The following NLGN1 variants were observed in gnomAD, a reference collection of about 807,000 sequenced individuals.
The protein encoded by NLGN1 is neuroligin 1.
In NLGN1, 12 loss-of-function variants were observed where a neutral mutation model predicts 65.5. The ratio of observed to expected loss-of-function variants is 0.18; its 90% confidence interval spans 0.12 to 0.30. The LOEUF (loss-of-function observed/expected upper bound fraction) is 0.30, where lower values mean the gene tolerates loss of function less well. Among genes scored for constraint, NLGN1 ranks in the 10% least tolerant of loss-of-function variants. The probability of loss-of-function intolerance (pLI) is 1.00; values close to 1 mark genes in which losing one functional copy is unlikely to be tolerated. For missense variants in NLGN1, 750 were observed against 1,007.1 expected (o/e 0.74, Z 3.46); for synonymous variants, 350 against 359.5 (o/e 0.97, Z 0.30).
intron 4 of NLGN1, among the ~76,000 whole-genome samples, chr3:173,982,722 G>T (rs760682002): frequency 1.3e-5 from 2 of 152,088 alleles, no homozygotes; most frequent in Non-Finnish European, 2.9e-5. Context: ...CCTTTCTGTG[G>T]CTGCTGCTGT....
At chr3:174,137,543 G>A (rs987639801) in intron 4 of NLGN1, among the ~76,000 whole-genome samples, 1 of 152,072 alleles carries the variant, frequency 6.6e-6, no homozygotes, top group Non-Finnish European at 1.5e-5. Flanking sequence ...TTGCTGGATT[G>A]TTGGAAATCT....
chr3:173,761,242 A>G lies in NLGN1; in HGVS notation c.494-46438A>G, dbSNP rs890777702. 4.6e-5 allele frequency among the ~76,000 whole-genome samples: 7 copies of G among 152,182 alleles called. 2 individuals carry two copies. Among genetic ancestry groups the G allele is most frequent in the Middle Eastern group, 3.4e-3 (1 of 294 alleles). Reference sequence around the variant, plus strand: ...CTGAGATGCAGTTCTTGTGTCAGAAACAACCTAATTTGCTTGTTCTAGTAG... The same window carrying G: ...CTGAGATGCAGTTCTTGTGTCAGAAGCAACCTAATTTGCTTGTTCTAGTAG... On this transcript the variant is annotated intron_variant, in intron 3 of 6. Transcript: ENST00000457714.
At chr3:173,968,218 A>G (rs186352005) in intron 4 of NLGN1, among the ~76,000 whole-genome samples, 297 of 152,324 alleles carry the variant, frequency 1.9e-3, no homozygotes, top group Non-Finnish European at 3.4e-3. Context: ...TCTCAAGTCC[A>G]TAACACCTGA....
intron 4 of NLGN1, among the ~76,000 whole-genome samples, chr3:174,091,042 T>G (rs1210793799): frequency 6.6e-6 from 1 of 152,196 alleles, no homozygotes; most frequent in Admixed American, 6.5e-5. Context: ...AGTACAGTGC[T>G]GCAGCCAGGA....
chr3:173,414,419 A>G (rs907102196), intron 1 of NLGN1, among the ~76,000 whole-genome samples: 4 of 152,118 alleles, frequency 2.6e-5, no homozygotes, highest in Admixed American at 2.0e-4. Flanking sequence ...GACGCTAGGA[A>G]ACCAATGGAC....
intron 4 of NLGN1, among the ~76,000 whole-genome samples, chr3:174,134,146 A>G (rs1720767102): frequency 6.6e-6 from 1 of 152,222 alleles, no homozygotes; most frequent in Non-Finnish European, 1.5e-5. Context: ...TTGCGATTAA[A>G]GGACAGAAAT....
chr3:174,281,474 A>G, exon 7 of NLGN1: 2 of 511,446 alleles, frequency 3.9e-6, no homozygotes, highest in South Asian at 3.9e-5. Context: ...ATATATACAA[A>G]TCAACTTTAA....
At chr3:174,278,817 A>C in intron 5 of NLGN1, 44 bp from the exon 6 acceptor site, 18 of 1,409,676 alleles carry the variant, frequency 1.3e-5, no homozygotes, top group Non-Finnish European at 1.5e-5. Flanking sequence ...TTACCACAAC[A>C]TTACCCAAAG....
intron 4 of NLGN1, among the ~76,000 whole-genome samples, chr3:173,958,484 G>C (rs1329610319): frequency 6.6e-6 from 1 of 151,724 alleles, no homozygotes; most frequent in East Asian, 2.0e-4. Flanking sequence ...TCTCAGCAGG[G>C]AGGAGACCCT....
At chr3:173,505,978 G>A (rs1299340215) in intron 2 of NLGN1, among the ~76,000 whole-genome samples, 1 of 152,100 alleles carries the variant, frequency 6.6e-6, no homozygotes, top group East Asian at 1.9e-4. Context: ...AATTTCAAGA[G>A]CTAATACCAC....
chr3:173,644,936 T>C (rs891043407), intron 3 of NLGN1, among the ~76,000 whole-genome samples: 13 of 152,226 alleles, frequency 8.5e-5, no homozygotes, highest in Middle Eastern at 3.4e-3. Flanking sequence ...CAGAGGAACA[T>C]AGGGAAGGAT....
intron 2 of NLGN1, among the ~76,000 whole-genome samples, chr3:173,446,017 T>C (rs534333856): frequency 1.3e-5 from 2 of 152,156 alleles, no homozygotes; most frequent in Non-Finnish European, 2.9e-5. Flanking sequence ...AGCTATCAGA[T>C]GCAAATTCCA....
intron 4 of NLGN1, among the ~76,000 whole-genome samples, chr3:173,999,154 T>C (rs1722816130): frequency 6.6e-6 from 1 of 152,176 alleles, no homozygotes; most frequent in Non-Finnish European, 1.5e-5. Flanking sequence ...TCTTTGTTAC[T>C]TGACAGAACA....
At chr3:173,658,364 G>A (rs949099814) in intron 3 of NLGN1, among the ~76,000 whole-genome samples, 3 of 151,896 alleles carry the variant, frequency 2.0e-5, no homozygotes, top group Non-Finnish European at 4.4e-5. Context: ...GAAATAGCTT[G>A]GGATAGACAA....
chr3:174,092,685 G>A (rs1297662352), intron 4 of NLGN1, among the ~76,000 whole-genome samples: 2 of 152,002 alleles, frequency 1.3e-5, no homozygotes, highest in Non-Finnish European at 2.9e-5. Context: ...TGGGTCTCTA[G>A]GGCCCATATC....
At chr3:174,210,582 A>G (rs1206718446) in intron 4 of NLGN1, among the ~76,000 whole-genome samples, 1 of 152,214 alleles carries the variant, frequency 6.6e-6, no homozygotes, top group Non-Finnish European at 1.5e-5. Context: ...TGAGGCCCAA[A>G]GAAAACAAGA....
chr3:173,974,021 GA>G (rs1257024616), intron 4 of NLGN1, among the ~76,000 whole-genome samples: 1 of 151,958 alleles, frequency 6.6e-6, no homozygotes, highest in Non-Finnish European at 1.5e-5. Context: ...CCAGCTAACA[GA>G]ATTAGATTAA....
chr3:173,795,580 A>G (rs966100151), intron 3 of NLGN1, among the ~76,000 whole-genome samples: 1 of 152,116 alleles, frequency 6.6e-6, no homozygotes, highest in African/African-American at 2.4e-5. Flanking sequence ...GTAAAATTCA[A>G]TAACTTTGCA....
intron 4 of NLGN1, among the ~76,000 whole-genome samples, chr3:174,116,634 G>A (rs1347162752): frequency 1.3e-5 from 2 of 152,006 alleles, no homozygotes; most frequent in Non-Finnish European, 1.5e-5. Flanking sequence ...CACCATGCCC[G>A]CCCAACATGT....
Sources: allele counts gnomAD v4.1 joint callset (sites outside exome capture counted in the v4.1 genomes callset), GRCh38; gene constraint gnomAD v4.1.1; transcripts MANE v1.5; gene names NCBI Gene and HGNC (gene_info 2026-07-23, HGNC 2026-07-21).